The following CELSR1 variants were observed in gnomAD, a reference collection of about 807,000 sequenced individuals.
CELSR1 encodes the protein adhesion G protein-coupled receptor C1.
CELSR1 carries 110 observed loss-of-function variants against 249.1 expected under a neutral mutation model. The observed-to-expected ratio is 0.44, with a 90% confidence interval of 0.38 to 0.52. The LOEUF (loss-of-function observed/expected upper bound fraction) is 0.52, where lower values mean the gene tolerates loss of function less well. Ranked by LOEUF, CELSR1 falls within the 20% of genes least tolerant of loss-of-function variation. The pLI is 0.00. For missense variants in CELSR1, 4,109 were observed against 4,296.4 expected (o/e 0.96, Z 1.22); for synonymous variants, 2,113 against 1,900.0 (o/e 1.11, Z -2.92).
Position 46,472,728 on chromosome 22 carries a change from C to T in CELSR1, c.3545-8383G>A, listed in dbSNP as rs1355058313. Among the ~76,000 whole-genome samples the T allele has an allele frequency of 2.0e-5, 3 of 152,124 alleles. No individual in the cohort carries two copies. Among genetic ancestry groups the T allele is most frequent in the Admixed American group, 6.6e-5 (1 of 15,252 alleles). On this transcript the variant is annotated intron_variant, in intron 1 of 34. Transcript: ENST00000674500. The surrounding 1 kb of genome is among the most constrained non-coding windows in gnomAD (Gnocchi z 7.0). ...CAGGGATCTGAAATTCAGGTGTTGG[C>T]GGGGTTTGTTCCTCCTGGAGGCTCA...
intron 1 of CELSR1, among the ~76,000 whole-genome samples, chr22:46,466,486 T>C (rs929375592): frequency 6.6e-6 from 1 of 152,280 alleles, no homozygotes; most frequent in Admixed American, 6.5e-5. Flanking sequence ...CCCCGGCCAA[T>C]GGAAGCCCCA....
At position 46,434,675 on chromosome 22, in the gene CELSR1, A is replaced by C. The variant is rs2079637362; in HGVS notation, c.4523-1194T>G. On this transcript the variant is annotated intron_variant, in intron 4 of 34. Transcript: ENST00000674500. The surrounding 1 kb of genome is among the most constrained non-coding windows in gnomAD (Gnocchi z 4.9). ...ATCTTGGTGAACTTCCAGGTGAAGG[A>C]GGAGATGGCAGAATTCACTCCTGAA... Among the ~76,000 whole-genome samples, 1 of 152,144 alleles carries C rather than the reference A, an allele frequency of 6.6e-6. No individual in the cohort carries two copies. The highest frequency in any genetic ancestry group is 2.1e-4 in the South Asian group (1 of 4,820).
At chr22:46,504,597 A>G (rs1464562770) in intron 1 of CELSR1, among the ~76,000 whole-genome samples, 1 of 152,156 alleles carries the variant, frequency 6.6e-6, no homozygotes, top group Non-Finnish European at 1.5e-5. Context: ...TCAAAAAAGG[A>G]AGACATTTAT....
At chr22:46,460,028 G>A (rs1434125695) in intron 2 of CELSR1, among the ~76,000 whole-genome samples, 10 of 152,122 alleles carry the variant, frequency 6.6e-5, no homozygotes, top group Non-Finnish European at 1.0e-4. Flanking sequence ...CCAATATAGC[G>A]AAACCCAGTC....
rs2079089947 is a variant in CELSR1, at chr22:46,391,429, T to C, written c.6149-142A>G. On this transcript the variant is annotated intron_variant, in intron 15 of 34. Coordinates refer to ENST00000674500, the MANE Select transcript of CELSR1 (RefSeq NM_001378328.1). This position sits in a 1 kb window ranked among gnomAD's most constrained non-coding sequence, Gnocchi z 4.3. ...AACCCTAGCATCTCCCCTGCCCCCATCCATGTCAGAGCTGGAGAGGGGTGA... is the reference window on the plus strand; with the variant it reads ...AACCCTAGCATCTCCCCTGCCCCCACCCATGTCAGAGCTGGAGAGGGGTGA... 1 of 893,460 alleles carries C rather than the reference T, an allele frequency of 1.1e-6. No individual in the cohort carries two copies. The highest frequency in any genetic ancestry group is 2.8e-5 in the Admixed American group (1 of 35,908). The allele number at this position is 893,460 out of a possible 1,614,324, so 55.3% of individuals were successfully genotyped here.
intron 1 of CELSR1, among the ~76,000 whole-genome samples, chr22:46,511,117 A>AAAC (rs2080568992): frequency 6.7e-6 from 1 of 149,754 alleles, no homozygotes; most frequent in Non-Finnish European, 1.5e-5. Context: ...TCGTCTCAAA[A>AAAC]ACACACACAC....
intron 1 of CELSR1, among the ~76,000 whole-genome samples, chr22:46,477,927 C>T (rs1329197305): frequency 1.3e-5 from 2 of 152,156 alleles, no homozygotes; most frequent in Non-Finnish European, 2.9e-5. Flanking sequence ...GGGGTGCCAG[C>T]CCCCGGGAGG....
chr22:46,379,745 T>G (rs2147212232), intron 22 of CELSR1, among the ~76,000 whole-genome samples: 1 of 152,312 alleles, frequency 6.6e-6, no homozygotes, highest in Admixed American at 6.5e-5. Context: ...CCAGGGCAAC[T>G]GTGATGGGGG....
At chr22:46,424,671 C>T (rs561051392) in intron 5 of CELSR1, among the ~76,000 whole-genome samples, 5 of 152,248 alleles carry the variant, frequency 3.3e-5, no homozygotes, top group South Asian at 2.1e-4. Context: ...GTTATTCTGT[C>T]GTATTAAGAA....
At position 46,434,211 on chromosome 22, in the gene CELSR1, G is replaced by A. The variant is rs554602659; in HGVS notation, c.4523-730C>T. On this transcript the variant is annotated intron_variant, in intron 4 of 34. Coordinates refer to ENST00000674500, the MANE Select transcript of CELSR1 (RefSeq NM_001378328.1). The surrounding 1 kb of genome is among the most constrained non-coding windows in gnomAD (Gnocchi z 4.9). ...ACGTAACACGTCCCATCGTGAGGTC[G>A]CGGACGCGTCTCTTGTGCATCTCTG... 4.7e-4 allele frequency among the ~76,000 whole-genome samples: 72 copies of A among 152,318 alleles called. No individual in the cohort carries two copies. The highest frequency in any genetic ancestry group is 1.6e-3 in the African/African-American group (67 of 41,558).
chr22:46,417,584 G>A lies in CELSR1; in HGVS notation c.4612-5825C>T, dbSNP rs941078732. Among the ~76,000 whole-genome samples, 1 of 152,200 alleles carries A rather than the reference G, an allele frequency of 6.6e-6. No individual in the cohort carries two copies. Among genetic ancestry groups the A allele is most frequent in the Admixed American group, 6.5e-5 (1 of 15,278 alleles). ...GAGCCACTGGGCCACCGGGTGGGGA[G>A]GGCAGCTCCACACTATCCCAGGTTG... is the stretch of plus-strand genomic sequence containing the variant. On this transcript the variant is annotated intron_variant, in intron 5 of 34. Transcript: ENST00000674500. The surrounding 1 kb of genome is among the most constrained non-coding windows in gnomAD (Gnocchi z 4.1).
chr22:46,444,415 C>T (rs1173102245), intron 2 of CELSR1, among the ~76,000 whole-genome samples: 1 of 152,178 alleles, frequency 6.6e-6, no homozygotes. Context: ...GTCCTGCCCC[C>T]GAGGGGGGCA....
intron 2 of CELSR1, chr22:46,462,935 G>A (rs2080048937): frequency 2.1e-6 from 1 of 466,448 alleles, no homozygotes; most frequent in South Asian, 1.6e-5. Flanking sequence ...TGACAGGGAG[G>A]CATGAAAAAA....
chr22:46,377,115 C>G lies in CELSR1; in HGVS notation c.7530G>C (p.Ala2510=). ...LHSIHKHLAV[A]LFLSQLVFVI... ...CGAACACCAGCTGAGAGAGGAAGAG[C>G]GCCACGGCGAGGTGCTTGTGAATGC... is the stretch of plus-strand genomic sequence containing the variant. Residue 2510 remains alanine, a synonymous_variant, in exon 24 of 35, where the codon GCG becomes GCC. Coordinates refer to ENST00000674500, the MANE Select transcript of CELSR1 (RefSeq NM_001378328.1). 1.2e-6 allele frequency: 2 copies of G among 1,613,598 alleles called. No individual in the cohort carries two copies. Among genetic ancestry groups the G allele is most frequent in the Non-Finnish European group, 1.7e-6 (2 of 1,179,904 alleles).
chr22:46,403,815 A>C (rs897994201), intron 9 of CELSR1, among the ~76,000 whole-genome samples: 50 of 151,754 alleles, frequency 3.3e-4, no homozygotes, highest in African/African-American at 1.1e-3. Context: ...TCTACTAAAA[A>C]TACAAACATT....
intron 1 of CELSR1, among the ~76,000 whole-genome samples, chr22:46,516,513 T>A (rs907994650): frequency 2.0e-5 from 3 of 151,802 alleles, no homozygotes; most frequent in Non-Finnish European, 2.9e-5. Flanking sequence ...TTTTTAAAAT[T>A]TTTTTTTATA....
At chr22:46,463,588 C>T in intron 2 of CELSR1, 119 bp downstream of exon 2, 2 of 1,137,978 alleles carry the variant, frequency 1.8e-6, no homozygotes, top group South Asian at 2.3e-5. Context: ...CACCTGGGCC[C>T]AGCGCCCATC....
At chr22:46,457,668 A>G (rs1349213085) in intron 2 of CELSR1, among the ~76,000 whole-genome samples, 1 of 152,212 alleles carries the variant, frequency 6.6e-6, no homozygotes. Flanking sequence ...CTTCCCGGGA[A>G]TGCCCAGAGG....
rs753073378 is a variant in CELSR1, at chr22:46,377,155, C to G, written c.7490G>C (p.Arg2497Pro). The G allele has an allele frequency of 6.8e-6, 11 of 1,613,678 alleles. No individual in the cohort carries two copies. The highest frequency in any genetic ancestry group is 9.3e-6 in the Non-Finnish European group (11 of 1,179,968). ...FVLLSLVRML[R>P]SNLHSIHKHL... The stretch of plus-strand genomic sequence containing the variant: ...CTTGTGAATGCTGTGCAGGTTGGAG[C>G]GCAGCATGCGGACCAGGCTCAGGAG... Residue 2497 changes from arginine (R) to proline (P), a missense_variant, in exon 24 of 35, where the codon CGC (arginine) becomes CCC (proline). Transcript: ENST00000674500.
Sources: gnomAD v4.1 joint callset for allele counts (sites outside exome capture counted in the v4.1 genomes callset) on GRCh38, gnomAD v4.1.1 for gene constraint, Gnocchi (gnomAD v3.1) non-coding constraint, MANE v1.5 for transcripts, NCBI Gene and HGNC (gene_info 2026-07-23, HGNC 2026-07-21) for gene names.